The following TOB2 variants were observed in gnomAD, a reference collection of about 807,000 sequenced individuals.
The protein encoded by TOB2 is transducer of ERBB2, 2.
In TOB2, 3 loss-of-function variants were observed where a neutral mutation model predicts 17.3. That is an observed-to-expected ratio of 0.17 (90% CI 0.08 to 0.45). The LOEUF is 0.45. TOB2 is among the 20% of genes least tolerant of loss of function. The pLI, the probability that TOB2 is intolerant of heterozygous loss-of-function variation, is 0.99. For synonymous variants in TOB2, 163 were observed against 185.6 expected, an observed-to-expected ratio of 0.88 and a Z score of 0.99; for missense variants, 407 against 445.7, an observed-to-expected ratio of 0.91 and a Z score of 0.78.
At chr22:41,437,945 T>C (rs2037572023) in intron 1 of TOB2, among the ~76,000 whole-genome samples, 1 of 53,190 alleles carries the variant, frequency 1.9e-5, no homozygotes, top group African/African-American at 9.7e-5. Flanking sequence ...TGAGACTCCA[T>C]CTCAAAAAAA....
Position 41,433,852 on chromosome 22 carries a change from T to A in TOB2, c.*2459A>T, listed in dbSNP as rs1403899621. On this transcript the variant is annotated 3_prime_UTR_variant, in exon 2 of 2. Coordinates refer to ENST00000327492, the MANE Select transcript of TOB2 (RefSeq NM_016272.4). ...GATAATCCACCTTTTGATTTGTTCC[T>A]GGGAAAGAGGGATAGATAGAGGATG... The A allele has an allele frequency of 2.3e-6, 1 of 442,612 alleles. No homozygotes were observed. The highest frequency in any genetic ancestry group is 4.7e-6 in the Non-Finnish European group (1 of 211,676). 27.4% of individuals were successfully genotyped at this position (442,612 alleles called of 1,614,324 possible).
intron 1 of TOB2, among the ~76,000 whole-genome samples, chr22:41,442,837 T>A (rs2037634109): frequency 6.6e-6 from 1 of 152,190 alleles, no homozygotes. Flanking sequence ...ATGGTAAGAT[T>A]AGAAAGCTTA....
At chr22:41,437,488 A>G (rs2034721973) in intron 1 of TOB2, 81 bp from the exon 2 acceptor site, 2 of 1,439,530 alleles carry the variant, frequency 1.4e-6, no homozygotes, top group African/African-American at 2.8e-5. Context: ...AAAAGCACCA[A>G]CTTTGGATCA....
chr22:41,443,719 G>A (rs957285790), intron 1 of TOB2, among the ~76,000 whole-genome samples: 2 of 148,450 alleles, frequency 1.3e-5, no homozygotes, highest in Admixed American at 6.8e-5. Context: ...CGCCTCCCAG[G>A]TTCAAGCGAT....
intron 1 of TOB2, among the ~76,000 whole-genome samples, chr22:41,444,494 C>A (rs921483808): frequency 6.6e-6 from 1 of 152,238 alleles, no homozygotes; most frequent in South Asian, 2.1e-4. Context: ...CAAACACCTC[C>A]GGACCAGGCG....
chr22:41,439,404 C>T (rs2037588892), intron 1 of TOB2, among the ~76,000 whole-genome samples: 1 of 152,164 alleles, frequency 6.6e-6, no homozygotes, highest in Admixed American at 6.6e-5. Context: ...TTCTAAACAC[C>T]TGCCCCAACA....
intron 1 of TOB2, among the ~76,000 whole-genome samples, chr22:41,439,935 T>G (rs1300346571): frequency 1.3e-5 from 2 of 152,118 alleles, no homozygotes; most frequent in Admixed American, 6.6e-5. Context: ...TTAACCCTCA[T>G]TTCAGTTCTG....
At chr22:41,445,752 G>C (rs922461901) in intron 1 of TOB2, among the ~76,000 whole-genome samples, 1 of 152,160 alleles carries the variant, frequency 6.6e-6, no homozygotes, top group Non-Finnish European at 1.5e-5. Flanking sequence ...ACTGCTCTAA[G>C]GGTACTTTTT....
chr22:41,437,649 T>C (rs1206497438), intron 1 of TOB2, among the ~76,000 whole-genome samples: 3 of 152,042 alleles, frequency 2.0e-5, no homozygotes, highest in African/African-American at 4.8e-5. Flanking sequence ...TAAAAGGTAA[T>C]TGATAAAGTT....
rs1224593463 is a variant in TOB2 at position 41,433,909 on chromosome 22, CT to C, written c.*2401del. ...GGGGAGAAAAGGTTTTATTTCTCCT[CT>C]TTTTTTTTTAAAGTTTGTTTTTCCT... On this transcript the variant is annotated 3_prime_UTR_variant, in exon 2 of 2. Transcript: ENST00000327492. 2.0e-3 allele frequency: 409 copies of C among 209,302 alleles called. No homozygotes were observed. Among genetic ancestry groups the C allele is most frequent in the East Asian group, 4.5e-3 (34 of 7,490 alleles). 13.0% of individuals were successfully genotyped at this position (209,302 alleles called of 1,614,324 possible).
chr22:41,437,148 G>C lies in TOB2; in HGVS notation c.198C>G (p.Pro66=), dbSNP rs766219151. The C allele has an allele frequency of 1.2e-6, 2 of 1,614,004 alleles. No individual in the cohort carries two copies. Among genetic ancestry groups the C allele is most frequent in the Admixed American group, 1.7e-5 (1 of 60,002 alleles). ...RCVHIGEMVD[P]VVELAAKRSG... is the part of the protein sequence containing the mutation. ...TCCGCTTGGCGGCCAGCTCCACCAC[G>C]GGGTCCACCATCTCCCCAATGTGAA... The change falls in exon 2 of 2, where the codon CCC becomes CCG. Residue 66 remains proline, a synonymous_variant. Coordinates refer to ENST00000327492, the MANE Select transcript of TOB2 (RefSeq NM_016272.4).
chr22:41,442,979 TGA>T (rs959821055), intron 1 of TOB2, among the ~76,000 whole-genome samples: 32 of 152,230 alleles, frequency 2.1e-4, no homozygotes, highest in Non-Finnish European at 2.9e-4. Flanking sequence ...ATAAAAATGG[TGA>T]GGTGTTTAAC....
intron 1 of TOB2, among the ~76,000 whole-genome samples, chr22:41,439,076 G>A (rs1213350648): frequency 1.3e-5 from 2 of 152,162 alleles, no homozygotes; most frequent in South Asian, 2.1e-4. Context: ...CATGTCTCAG[G>A]AAGATGATCT....
At position 41,436,388 on chromosome 22, in the gene TOB2, C is replaced by T; in HGVS notation, c.958G>A (p.Val320Met). 1 of 1,613,786 alleles carries T rather than the reference C, an allele frequency of 6.2e-7. No individual in the cohort carries two copies. The highest frequency in any genetic ancestry group is 8.5e-7 in the Non-Finnish European group (1 of 1,179,796). Residue 320 changes from valine (V) to methionine (M), a missense_variant, in exon 2 of 2, where the codon GTG (valine) becomes ATG (methionine). By Grantham distance (21) the Val-to-Met change is conservative. Coordinates refer to ENST00000327492, the MANE Select transcript of TOB2 (RefSeq NM_016272.4). This position sits in a 1 kb window ranked among gnomAD's most constrained non-coding sequence, Gnocchi z 4.8. ...TTCAGGTTGTAGCTGAGGCCTTCCA[C>T]AAAGGGTGTCTTCTCCAGGAAGAGG... ...NSLFLEKTPFVEGLSYNLNTM... is the reference protein window; with the variant it reads ...NSLFLEKTPFMEGLSYNLNTM...
At position 41,434,521 on chromosome 22, in the gene TOB2, G is replaced by A. The variant is rs868180767; in HGVS notation, c.*1790C>T. The A allele has an allele frequency of 6.5e-6, 1 of 152,956 alleles. No homozygotes were observed. The highest frequency in any genetic ancestry group is 1.5e-5 in the Non-Finnish European group (1 of 68,280). 9.5% of individuals were successfully genotyped at this position (152,956 alleles called of 1,614,324 possible). ...AGGGGAACAGATGGTGCTGGGCTGA[G>A]AAGCCAGGACATTGCCTGCCGGGGG... On this transcript the variant is annotated 3_prime_UTR_variant, in exon 2 of 2. Coordinates refer to ENST00000327492, the MANE Select transcript of TOB2 (RefSeq NM_016272.4).
Position 41,436,804 on chromosome 22 carries a change from A to C in TOB2, c.542T>G (p.Phe181Cys), listed in dbSNP as rs756043215. 1 of 1,613,986 alleles carries C rather than the reference A, an allele frequency of 6.2e-7. No homozygotes were observed. Among genetic ancestry groups the C allele is most frequent in the Non-Finnish European group, 8.5e-7 (1 of 1,179,932 alleles). Residue 181 changes from phenylalanine to cysteine, a missense_variant, in exon 2 of 2, where the codon TTC becomes TGC. Phe to Cys is a radical substitution (Grantham distance 205). Coordinates refer to ENST00000327492, the MANE Select transcript of TOB2 (RefSeq NM_016272.4). The surrounding 1 kb of genome is among the most constrained non-coding windows in gnomAD (Gnocchi z 4.8). ...AGTGGAGCCAAATTTGGTGGCAGCG[A>C]AGGAGGCGGTGGTGAAGGTGATGGG... ...AQPITFTTASFAATKFGSTKM... is the reference protein window; with the variant it reads ...AQPITFTTASCAATKFGSTKM...
At chr22:41,443,904 G>A (rs1251605824) in intron 1 of TOB2, among the ~76,000 whole-genome samples, 1 of 152,202 alleles carries the variant, frequency 6.6e-6, no homozygotes, top group East Asian at 1.9e-4. Flanking sequence ...GGGATTACAG[G>A]CGTGAGCCAC....
chr22:41,434,291 C>A lies in TOB2; in HGVS notation c.*2020G>T, dbSNP rs1239723706. ...CAAAAGACACAAAGGGGTTGGTCTC[C>A]CCTCTCTCCCTACATGTGAGAAACA... On this transcript the variant is annotated 3_prime_UTR_variant, in exon 2 of 2. Coordinates refer to ENST00000327492, the MANE Select transcript of TOB2 (RefSeq NM_016272.4). 6.5e-6 allele frequency: 1 copy of A among 153,658 alleles called. No individual in the cohort carries two copies. Among genetic ancestry groups the A allele is most frequent in the Admixed American group, 6.5e-5 (1 of 15,278 alleles). 9.5% of individuals were successfully genotyped at this position (153,658 alleles called of 1,614,324 possible).
chr22:41,441,083 C>T (rs561357281), intron 1 of TOB2, among the ~76,000 whole-genome samples: 14 of 151,774 alleles, frequency 9.2e-5, no homozygotes, highest in South Asian at 4.2e-4. Context: ...TTTGGGAGGC[C>T]GTGGCGAGTG....
Sources: allele counts gnomAD v4.1 joint callset (sites outside exome capture counted in the v4.1 genomes callset), GRCh38; gene constraint gnomAD v4.1.1; non-coding constraint Gnocchi (gnomAD v3.1); transcripts MANE v1.5; gene names NCBI Gene and HGNC (gene_info 2026-07-23, HGNC 2026-07-21).